Variants in RAB36 observed in about 807,000 individuals in gnomAD.
The protein encoded by RAB36 is RAB36, member RAS oncogene family.
A neutral mutation model predicts 39.3 loss-of-function variants in RAB36; 33 were observed. That is an observed-to-expected ratio of 0.84 (90% CI 0.64 to 1.12). The LOEUF is 1.12. RAB36 is among the 50% of genes most tolerant of loss of function. The pLI is 0.00. For missense variants in RAB36, 308 were observed against 355.3 expected, an observed-to-expected ratio of 0.87 and a Z score of 1.07; for synonymous variants, 133 against 140.2, an observed-to-expected ratio of 0.95 and a Z score of 0.36.
At chr22:23,154,523 G>A (rs1037163123) in intron 5 of RAB36, among the ~76,000 whole-genome samples, 5 of 152,236 alleles carry the variant, frequency 3.3e-5, no homozygotes, top group African/African-American at 1.2e-4. Context: ...GGGATCCAGA[G>A]AGCTGAGAAG....
chr22:23,155,905 G>A (rs2146552821), intron 5 of RAB36, 63 bp from the exon 6 acceptor site: 2 of 1,476,460 alleles, frequency 1.4e-6, no homozygotes, highest in Non-Finnish European at 9.2e-7. Context: ...TAGCCTGTTG[G>A]CTCAAGACAC....
chr22:23,161,515 C>T lies in RAB36; in HGVS notation c.755C>T (p.Pro252Leu), dbSNP rs377124540. The change falls in exon 11 of 11, where the codon CCG becomes CTG. Residue 252 changes from proline (P) to leucine (L), a missense_variant. Transcript: ENST00000263116. The stretch of plus-strand genomic sequence containing the variant: ...CTCCTTACAGAAATGGAAGGGAGTC[C>T]GCCCGAGACCCAGGAGAGCAAGAGG... ...NGDLIQMEGS[P>L]PETQESKRPS... The T allele has an allele frequency of 1.3e-5, 21 of 1,612,594 alleles. No homozygotes were observed. The highest frequency in any genetic ancestry group is 9.9e-5 in the South Asian group (9 of 90,990).
intron 10 of RAB36, 151 bp downstream of exon 10, chr22:23,161,149 T>C: frequency 1.0e-6 from 1 of 1,004,104 alleles, no homozygotes; most frequent in Non-Finnish European, 1.4e-6. Context: ...CACTGCAGCC[T>C]CAGGCCTGTA....
At chr22:23,155,406 T>G (rs111677839) in intron 5 of RAB36, among the ~76,000 whole-genome samples, 6 of 152,174 alleles carry the variant, frequency 3.9e-5, no homozygotes, top group Non-Finnish European at 8.8e-5. Context: ...TTGCTTCTAA[T>G]TTCTTCTCAC....
At position 23,150,170 on chromosome 22, in the gene RAB36, G is replaced by A. The variant is rs754012194; in HGVS notation, c.161+16G>A. 9 of 1,594,550 alleles carry A rather than the reference G, an allele frequency of 5.6e-6. No individual in the cohort carries two copies. The highest frequency in any genetic ancestry group is 1.7e-5 in the Admixed American group (1 of 58,642). On this transcript the variant is annotated intron_variant, in intron 3 of 10. Transcript: ENST00000263116. ...GGACTGTCGGGTGAGCCTGCAGGGT[G>A]TGGGATGGGGGAGCAGGTGGCAAGA...
downstream of RAB36, among the ~76,000 whole-genome samples, chr22:23,166,888 TG>T (rs1045149154): frequency 3.9e-5 from 6 of 152,128 alleles, no homozygotes; most frequent in African/African-American, 1.2e-4. Context: ...GGGTGCCTCC[TG>T]GGGGAGTAGC....
intron 5 of RAB36, among the ~76,000 whole-genome samples, chr22:23,154,626 G>C (rs1000697543): frequency 1.1e-4 from 16 of 152,192 alleles, no homozygotes; most frequent in African/African-American, 3.6e-4. Context: ...TATCTCATTA[G>C]AGGGCCCTGG....
chr22:23,153,017 T>G lies in RAB36; in HGVS notation c.228-16T>G, dbSNP rs748370138. The G allele has an allele frequency of 1.9e-6, 3 of 1,595,798 alleles. No homozygotes were observed. Among genetic ancestry groups the G allele is most frequent in the Non-Finnish European group, 2.6e-6 (3 of 1,163,494 alleles). On this transcript the variant is annotated splice_polypyrimidine_tract_variant and intron_variant, in intron 4 of 10. Transcript: ENST00000263116. ...CTGTGAGTACACCCCTGTGACGACT[T>G]CCTCATCCCCCACAGGTTTTGCAAG...
chr22:23,151,608 T>C (rs1017626438), intron 3 of RAB36, among the ~76,000 whole-genome samples: 1 of 152,130 alleles, frequency 6.6e-6, no homozygotes, highest in Non-Finnish European at 1.5e-5. Context: ...CCCAGGAAGC[T>C]GGGACAATGG....
intron 10 of RAB36, 79 bp from the exon 11 acceptor site, chr22:23,161,421 T>A: frequency 7.8e-7 from 1 of 1,274,850 alleles, no homozygotes; most frequent in Non-Finnish European, 1.1e-6. Context: ...CAGCTCTGAC[T>A]GTCAGGGCCG....
In RAB36 at chr22:23,158,905, T is replaced by C. The variant is rs757454598; in HGVS notation, c.454T>C (p.Leu152=). 1.7e-5 allele frequency: 27 copies of C among 1,613,850 alleles called. No homozygotes were observed. In the Admixed American group the frequency reaches 4.3e-4, roughly 26 times the overall value. The part of the protein sequence containing the change: ...VQTLEHTRQW[L]EDALRENEAG... ...TCTCTCCTTACACTCCAGGCAGTGG[T>C]TGGAGGATGCTCTGAGGGAGAACGA... Residue 152 remains leucine, a synonymous_variant, in exon 8 of 11, where the codon TTG becomes CTG. Transcript: ENST00000263116.
chr22:23,153,497 C>T, intron 5 of RAB36: 1 of 915,232 alleles, frequency 1.1e-6, no homozygotes, highest in Non-Finnish European at 1.3e-6. Context: ...CCGCAGGTTG[C>T]TGCTGAGCTC....
At position 23,160,968 on chromosome 22, in the gene RAB36, C is replaced by G; in HGVS notation, c.709C>G (p.Arg237Gly). Reference protein sequence around the residue: ...LQDLERQSSARLQVGNGDLIQ... With the variant: ...LQDLERQSSAGLQVGNGDLIQ... ...GGACCTGGAGAGGCAGAGCAGTGCCCGGCTCCAGGTCGGCAATGGAGACCT... is the reference window on the plus strand; with the variant it reads ...GGACCTGGAGAGGCAGAGCAGTGCCGGGCTCCAGGTCGGCAATGGAGACCT... The change falls in exon 10 of 11, where the codon CGG (arginine) becomes GGG (glycine). Residue 237 changes from arginine (R) to glycine (G), a missense_variant. By Grantham distance (125) the Arg-to-Gly change is moderately radical (BLOSUM62 -2). Coordinates refer to ENST00000263116, the MANE Select transcript of RAB36 (RefSeq NM_004914.5). 1.2e-6 allele frequency: 2 copies of G among 1,612,946 alleles called. No homozygotes were observed. Among genetic ancestry groups the G allele is most frequent in the Non-Finnish European group, 1.7e-6 (2 of 1,179,286 alleles).
At chr22:23,145,470 G>C, upstream of RAB36, 1 of 1,609,654 alleles carries the variant, frequency 6.2e-7, no homozygotes, top group Non-Finnish European at 8.5e-7. Flanking sequence ...GGTCCCGCGT[G>C]GCTCTCGTTG....
chr22:23,157,994 A>G lies in RAB36; in HGVS notation c.397A>G (p.Ile133Val). 1 of 1,614,110 alleles carries G rather than the reference A, an allele frequency of 6.2e-7. No individual in the cohort carries two copies. Among genetic ancestry groups the G allele is most frequent in the African/African-American group, 1.3e-5 (1 of 75,026 alleles). The stretch of plus-strand genomic sequence containing the variant: ...GTTGGCTTTTTCCGGGTGTCTAGTG[A>G]TCATCACGGCCTTTGACCTCACTGA... ...ASAYYRGAQVIITAFDLTDVQ... is the reference protein window; with the variant it reads ...ASAYYRGAQVVITAFDLTDVQ... The change falls in exon 7 of 11, where the codon ATC (isoleucine) becomes GTC (valine). Residue 133 changes from isoleucine (I) to valine (V), a missense_variant and splice_region_variant. Physicochemically the swap from Ile to Val is conservative, Grantham distance 29. Coordinates refer to ENST00000263116, the MANE Select transcript of RAB36 (RefSeq NM_004914.5).
At chr22:23,147,144 C>G (rs1601883539) in intron 2 of RAB36, among the ~76,000 whole-genome samples, 1 of 152,290 alleles carries the variant, frequency 6.6e-6, no homozygotes, top group East Asian at 1.9e-4. Context: ...ACCCCAAATC[C>G]AGGGCTCTCT....
intron 10 of RAB36, among the ~76,000 whole-genome samples, 197 bp downstream of exon 10, chr22:23,161,195 C>T (rs5759616): frequency 0.23 from 34,721 of 152,130 alleles, 4,471 homozygotes; most frequent in East Asian, 0.34. Flanking sequence ...CAGACACCCT[C>T]CCTAGCCCTC....
rs1159038102 is a variant in RAB36, at chr22:23,164,789, T to C, written c.*3225T>C. On this transcript the variant is annotated 3_prime_UTR_variant, in exon 11 of 11. Transcript: ENST00000263116. ...TGTCCTTCCGTTCACCTGTCTCTTC[T>C]GCTGGAGACACGTACCTGAAGCAGG... is the stretch of plus-strand genomic sequence containing the variant. Among the ~76,000 whole-genome samples, 1 of 152,150 alleles carries C rather than the reference T, an allele frequency of 6.6e-6. No homozygotes were observed. The highest frequency in any genetic ancestry group is 6.5e-5 in the Admixed American group (1 of 15,270).
chr22:23,168,189 T>C (rs1428822795), downstream of RAB36, among the ~76,000 whole-genome samples: 1 of 152,130 alleles, frequency 6.6e-6, no homozygotes, highest in Non-Finnish European at 1.5e-5. Context: ...GACCCCATTT[T>C]CACAGGTGAG....
Sources: allele counts gnomAD v4.1 joint callset (sites outside exome capture counted in the v4.1 genomes callset), GRCh38; gene constraint gnomAD v4.1.1; transcripts MANE v1.5; gene names NCBI Gene and HGNC (gene_info 2026-07-23, HGNC 2026-07-21).